The following YTHDF3 variants were observed in gnomAD, a reference collection of about 807,000 sequenced individuals.
The protein encoded by YTHDF3 is YTH domain-containing family protein 3.
YTHDF3 carries 9 observed loss-of-function variants against 52.5 expected under a neutral mutation model. That is an observed-to-expected ratio of 0.17 (90% CI 0.10 to 0.30). The LOEUF (loss-of-function observed/expected upper bound fraction) is 0.30. Ranked by LOEUF, YTHDF3 falls within the 10% of genes least tolerant of loss-of-function variation. YTHDF3 has a pLI of 1.00. For missense variants in YTHDF3, 534 were observed against 715.0 expected (o/e 0.75, Z 2.89); for synonymous variants, 274 against 243.3 (o/e 1.13, Z -1.18).
In YTHDF3 at chr8:63,168,823, A is replaced by G; in HGVS notation, c.-55A>G. 6.4e-7 allele frequency: 1 copy of G among 1,551,090 alleles called. No individual in the cohort carries two copies. The highest frequency in any genetic ancestry group is 1.4e-5 in the African/African-American group (1 of 73,070). On this transcript the variant is annotated 5_prime_UTR_variant, in exon 1 of 5. Transcript: ENST00000539294. ...GGCGACAGCCAACTGCTGTGAGTGC[A>G]CGGGGAGAGGCCCAGGCAGCGGCGG...
At chr8:63,203,744 T>G (rs1490411422) in intron 4 of YTHDF3, among the ~76,000 whole-genome samples, 2 of 152,178 alleles carry the variant, frequency 1.3e-5, no homozygotes, top group Non-Finnish European at 2.9e-5. Context: ...GCTGTTACAG[T>G]TTTTCCGTCT....
intron 3 of YTHDF3, among the ~76,000 whole-genome samples, chr8:63,176,130 T>G (rs1277813025): frequency 6.6e-6 from 1 of 152,158 alleles, no homozygotes; most frequent in Non-Finnish European, 1.5e-5. Context: ...TTACTAAAAA[T>G]AAGCCACTGA....
chr8:63,193,940 A>G (rs568366846), intron 4 of YTHDF3, among the ~76,000 whole-genome samples: 23 of 152,272 alleles, frequency 1.5e-4, no homozygotes, highest in Non-Finnish European at 2.5e-4. Flanking sequence ...GTTGAACATA[A>G]TCTACCTTAT....
chr8:63,186,008 A>G, intron 3 of YTHDF3, 139 bp from the exon 4 acceptor site: 1 of 973,986 alleles, frequency 1.0e-6, no homozygotes, highest in Non-Finnish European at 1.5e-6. Flanking sequence ...TGGATTTGAA[A>G]TTTTAATTTT....
chr8:63,209,365 C>T (rs562489832), intron 4 of YTHDF3, among the ~76,000 whole-genome samples: 13 of 152,132 alleles, frequency 8.5e-5, no homozygotes, highest in African/African-American at 2.9e-4. Context: ...TTTGACACCT[C>T]AAGATGAAAA....
intron 4 of YTHDF3, among the ~76,000 whole-genome samples, chr8:63,196,376 A>G (rs1809239579): frequency 6.6e-6 from 1 of 152,050 alleles, no homozygotes; most frequent in African/African-American, 2.4e-5. Context: ...AGCGTGGCCA[A>G]CATGGTGAAA....
chr8:63,185,414 C>A (rs1280732122), intron 3 of YTHDF3, among the ~76,000 whole-genome samples: 1 of 151,342 alleles, frequency 6.6e-6, no homozygotes, highest in Non-Finnish European at 1.5e-5. Context: ...TAAAAAAAAC[C>A]CAAACCTGTT....
intron 2 of YTHDF3, among the ~76,000 whole-genome samples, chr8:63,170,293 A>G (rs1807231905): frequency 6.6e-6 from 1 of 152,200 alleles, no homozygotes; most frequent in African/African-American, 2.4e-5. Flanking sequence ...ATTAAGATCT[A>G]TAATAGCCTT....
chr8:63,178,430 G>A (rs1807846355), intron 3 of YTHDF3, among the ~76,000 whole-genome samples: 2 of 152,178 alleles, frequency 1.3e-5, no homozygotes, highest in African/African-American at 4.8e-5. Context: ...TTTAAAAGAT[G>A]TAAAGGCATT....
chr8:63,197,053 C>T (rs1000954872), intron 4 of YTHDF3, among the ~76,000 whole-genome samples: 4 of 152,120 alleles, frequency 2.6e-5, no homozygotes, highest in Admixed American at 6.5e-5. Context: ...TGGTCCTTCA[C>T]GCCTGACAGT....
intron 4 of YTHDF3, among the ~76,000 whole-genome samples, chr8:63,188,452 GAGT>G (rs1177812758): frequency 6.7e-6 from 1 of 149,914 alleles, no homozygotes; most frequent in Non-Finnish European, 1.5e-5. Context: ...TCAGCTTCCC[GAGT>G]AGCTGGGACT....
chr8:63,191,441 C>T (rs1808906789), intron 4 of YTHDF3, among the ~76,000 whole-genome samples: 1 of 151,966 alleles, frequency 6.6e-6, no homozygotes, highest in African/African-American at 2.4e-5. Flanking sequence ...TATTTGTTTG[C>T]TTCTATTATC....
intron 4 of YTHDF3, among the ~76,000 whole-genome samples, chr8:63,194,287 C>T (rs879075286): frequency 6.6e-6 from 1 of 151,860 alleles, no homozygotes; most frequent in Non-Finnish European, 1.5e-5. Context: ...AGTTTGAGAT[C>T]AGCCTGGCTA....
intron 1 of YTHDF3, 98 bp downstream of exon 1, chr8:63,168,999 C>A: frequency 6.7e-7 from 1 of 1,501,710 alleles, no homozygotes. Flanking sequence ...CCGCTGCCGG[C>A]CCCATAACGG....
intron 2 of YTHDF3, chr8:63,173,507 C>A: frequency 3.5e-6 from 1 of 284,428 alleles, no homozygotes; most frequent in Non-Finnish European, 5.3e-6. Flanking sequence ...ACTAGATTTT[C>A]GAGAACCTAG....
chr8:63,199,774 AT>A (rs547279541), intron 4 of YTHDF3, among the ~76,000 whole-genome samples: 2 of 149,980 alleles, frequency 1.3e-5, no homozygotes, highest in Non-Finnish European at 3.0e-5. Context: ...TGGCTTAAAC[AT>A]TTTTTTTTTA....
chr8:63,194,396 A>T (rs1198776798), intron 4 of YTHDF3, among the ~76,000 whole-genome samples: 3 of 152,210 alleles, frequency 2.0e-5, no homozygotes, highest in Non-Finnish European at 4.4e-5. Context: ...GAGGCAGGAG[A>T]ATCACTTGAA....
rs545338207 is a variant in YTHDF3, at chr8:63,175,478, T to C, written c.135+62T>C. The C allele has an allele frequency of 4.0e-6, 5 of 1,258,168 alleles. 1 individual carries two copies. In the African/African-American group the frequency reaches 7.5e-5, roughly 19 times the overall value. 77.9% of individuals were successfully genotyped at this position (1,258,168 alleles called of 1,614,324 possible). Reference sequence around the variant, plus strand: ...ACCTTTTATTAGTATTAGTTGATTTTTCAAATAGATTATTTAATGAGATTA... The same window carrying C: ...ACCTTTTATTAGTATTAGTTGATTTCTCAAATAGATTATTTAATGAGATTA... On this transcript the variant is annotated intron_variant, in intron 3 of 4. Coordinates refer to ENST00000539294, the MANE Select transcript of YTHDF3 (RefSeq NM_152758.6).
chr8:63,197,160 C>T (rs567938109), intron 4 of YTHDF3, among the ~76,000 whole-genome samples: 200 of 152,232 alleles, frequency 1.3e-3, no homozygotes, highest in Middle Eastern at 3.4e-3. Flanking sequence ...GGAAGATAAC[C>T]GCTGAAAGAG....
Sources: gnomAD v4.1 joint callset for allele counts (sites outside exome capture counted in the v4.1 genomes callset) on GRCh38, gnomAD v4.1.1 for gene constraint, MANE v1.5 for transcripts, NCBI Gene and HGNC (gene_info 2026-07-23, HGNC 2026-07-21) for gene names.